The following PARP8 variants were observed in gnomAD, a reference collection of about 807,000 sequenced individuals.
PARP8 encodes poly(ADP-ribose) polymerase family member 8.
Under a neutral mutation model 124.1 loss-of-function variants are expected in PARP8, and 51 were observed. The observed-to-expected ratio is 0.41, with a 90% CI of 0.33 to 0.52. The LOEUF (loss-of-function observed/expected upper bound fraction) is 0.52, where lower values mean the gene tolerates loss of function less well. Ranked by LOEUF, PARP8 falls within the 20% of genes least tolerant of loss-of-function variation. The probability of loss-of-function intolerance (pLI) is 0.21; values close to 1 mark genes in which losing one functional copy is unlikely to be tolerated. For missense variants in PARP8, 860 were observed against 1,018.9 expected (o/e 0.84, Z 2.12); for synonymous variants, 391 against 361.5 (o/e 1.08, Z -0.93).
intron 10 of PARP8, among the ~76,000 whole-genome samples, chr5:50,792,413 A>C (rs1742064157): frequency 6.6e-6 from 1 of 152,160 alleles, no homozygotes; most frequent in East Asian, 1.9e-4. Flanking sequence ...CTGATTTTAG[A>C]TGTTGAATCA....
chr5:50,806,588 A>C (rs1481011392), intron 14 of PARP8, among the ~76,000 whole-genome samples: 3 of 152,070 alleles, frequency 2.0e-5, no homozygotes, highest in Non-Finnish European at 2.9e-5. Flanking sequence ...TGTTGCTGTG[A>C]TGCAGACTGA....
At chr5:50,695,226 A>G (rs1214362863) in intron 2 of PARP8, among the ~76,000 whole-genome samples, 1 of 152,218 alleles carries the variant, frequency 6.6e-6, no homozygotes, top group African/African-American at 2.4e-5. Flanking sequence ...AAGTGTAGAA[A>G]TGGAATGAGA....
chr5:50,786,546 T>A (rs538767103), intron 9 of PARP8, among the ~76,000 whole-genome samples: 13 of 150,508 alleles, frequency 8.6e-5, no homozygotes, highest in South Asian at 8.4e-4. Flanking sequence ...TTTTTTTTTT[T>A]AAATAGAGAT....
Position 50,789,236 on chromosome 5 carries a change from A to G in PARP8, c.737+647A>G, listed in dbSNP as rs73101098. On this transcript the variant is annotated intron_variant, in intron 10 of 25. Coordinates refer to ENST00000281631, the MANE Select transcript of PARP8 (RefSeq NM_024615.4). ...ATCTTTAAGTCTATTTTATATAAAT[A>G]TCTATTTTTAAAAAACAGAAAAAGA... 1.0e-3 allele frequency among the ~76,000 whole-genome samples: 154 copies of G among 152,298 alleles called. 2 individuals carry two copies. The highest frequency in any genetic ancestry group is 3.7e-3 in the African/African-American group (153 of 41,576).
intron 2 of PARP8, among the ~76,000 whole-genome samples, chr5:50,740,511 G>A (rs1041043400): frequency 6.6e-5 from 10 of 152,118 alleles, no homozygotes; most frequent in Admixed American, 2.0e-4. Context: ...AAGGTCTTGC[G>A]GGGGCTTTAG....
At chr5:50,840,153 AT>A (rs1174265640) in intron 25 of PARP8, among the ~76,000 whole-genome samples, 1 of 150,732 alleles carries the variant, frequency 6.6e-6, no homozygotes, top group Non-Finnish European at 1.5e-5. Context: ...TTAGAAAAAA[AT>A]AATTCTTTCT....
chr5:50,774,102 G>T (rs893258104), intron 7 of PARP8, among the ~76,000 whole-genome samples: 2 of 152,124 alleles, frequency 1.3e-5, no homozygotes, highest in African/African-American at 4.8e-5. Flanking sequence ...TGCCCTTAAT[G>T]CATTTAACCC....
intron 3 of PARP8, among the ~76,000 whole-genome samples, chr5:50,757,750 AT>A (rs1322340596): frequency 6.6e-6 from 1 of 152,102 alleles, no homozygotes; most frequent in East Asian, 1.9e-4. Flanking sequence ...AATCCTTTCT[AT>A]TTAGTTATTC....
In PARP8 at chr5:50,769,399, T is replaced by A. The variant is rs73101075; in HGVS notation, c.518+6157T>A. On this transcript the variant is annotated intron_variant, in intron 7 of 25. Coordinates refer to ENST00000281631, the MANE Select transcript of PARP8 (RefSeq NM_024615.4). ...ATTGGCAAAGATGGGAGAAAAAAAA[T>A]GTCTGATGATGATGAGAATGTAGGA... Among the ~76,000 whole-genome samples, 129 of 151,432 alleles carry A rather than the reference T, an allele frequency of 8.5e-4. 1 individual carries two copies. The highest frequency in any genetic ancestry group is 2.9e-3 in the African/African-American group (118 of 41,272).
Position 50,834,019 on chromosome 5 carries a change from G to A in PARP8, c.2348G>A (p.Arg783His), listed in dbSNP as rs748905955. Reference sequence around the variant, plus strand: ...CAGCAATCCCAATTCCTGCAAAGCCGTAACTTAAAATGCATAGCCTTATGT... The same window carrying A: ...CAGCAATCCCAATTCCTGCAAAGCCATAACTTAAAATGCATAGCCTTATGT... The part of the protein sequence containing the change: ...KGQQSQFLQS[R>H]NLKCIALCEV... The change falls in exon 24 of 26, where the codon CGT (arginine) becomes CAT (histidine). Residue 783 changes from arginine to histidine, a missense_variant. Around this residue, in one of 2 missense-constraint regions of PARP8, gnomAD observed 343 missense variants for 474.7 expected, o/e 0.72. Coordinates refer to ENST00000281631, the MANE Select transcript of PARP8 (RefSeq NM_024615.4). 12 of 1,612,390 alleles carry A rather than the reference G, an allele frequency of 7.4e-6. No individual in the cohort carries two copies. Among genetic ancestry groups the A allele is most frequent in the Middle Eastern group, 1.7e-4 (1 of 6,050 alleles).
chr5:50,683,732 A>G (rs1318143724), intron 2 of PARP8, among the ~76,000 whole-genome samples: 2 of 152,062 alleles, frequency 1.3e-5, no homozygotes, highest in Admixed American at 1.3e-4. Context: ...GCAGTTTTTT[A>G]ACCAAGAATA....
chr5:50,825,046 C>T, intron 18 of PARP8, 71 bp downstream of exon 18: 5 of 1,275,422 alleles, frequency 3.9e-6, no homozygotes, highest in Admixed American at 1.8e-5. Flanking sequence ...GGAAAAAAAC[C>T]AAACAAACAA....
At chr5:50,746,017 G>T (rs1184017040) in intron 2 of PARP8, among the ~76,000 whole-genome samples, 1 of 152,068 alleles carries the variant, frequency 6.6e-6, no homozygotes, top group Non-Finnish European at 1.5e-5. Context: ...ATTTGTTCCT[G>T]CATTCTTATT....
chr5:50,781,287 T>G (rs992514144), intron 9 of PARP8, among the ~76,000 whole-genome samples: 1 of 151,636 alleles, frequency 6.6e-6, no homozygotes, highest in Non-Finnish European at 1.5e-5. Flanking sequence ...GTCGCTTTTG[T>G]TTTATTTGTT....
At chr5:50,738,217 T>A (rs1359161800) in intron 2 of PARP8, among the ~76,000 whole-genome samples, 1 of 152,210 alleles carries the variant, frequency 6.6e-6, no homozygotes, top group African/African-American at 2.4e-5. Context: ...TGTGAAGGCC[T>A]GAAATAGCAT....
intron 22 of PARP8, among the ~76,000 whole-genome samples, chr5:50,830,976 G>T (rs1746906269): frequency 6.6e-6 from 1 of 152,036 alleles, no homozygotes; most frequent in East Asian, 1.9e-4. Context: ...ACATTAAAGA[G>T]AACTACCTAA....
intron 7 of PARP8, among the ~76,000 whole-genome samples, chr5:50,766,571 T>A (rs1761081397): frequency 6.6e-6 from 1 of 152,238 alleles, no homozygotes; most frequent in African/African-American, 2.4e-5. Flanking sequence ...TATCATGCCA[T>A]CTTTCATTTA....
At chr5:50,755,952 G>A (rs1052430411) in intron 3 of PARP8, among the ~76,000 whole-genome samples, 3 of 152,040 alleles carry the variant, frequency 2.0e-5, no homozygotes, top group African/African-American at 7.2e-5. Context: ...AATTATGAAT[G>A]GGAGTTCACT....
At chr5:50,745,829 G>T (rs192565720) in intron 2 of PARP8, among the ~76,000 whole-genome samples, 1 of 152,132 alleles carries the variant, frequency 6.6e-6, no homozygotes, top group East Asian at 1.9e-4. Flanking sequence ...AGTACCATTC[G>T]ACAGTATAAA....
Sources: gnomAD v4.1 joint callset for allele counts (sites outside exome capture counted in the v4.1 genomes callset) on GRCh38, gnomAD v4.1.1 for gene constraint, gnomAD v4.1.1 regional missense constraint, MANE v1.5 for transcripts, NCBI Gene and HGNC (gene_info 2026-07-23, HGNC 2026-07-21) for gene names.